RBBP8: variants seen among roughly 807,000 people sequenced by gnomAD.
RBBP8 encodes the protein RB binding protein 8, endonuclease, also known as DNA endonuclease RBBP8.
A neutral mutation model predicts 108.3 loss-of-function variants in RBBP8; 88 were observed. The observed-to-expected ratio is 0.81, with a 90% CI of 0.68 to 0.97. The LOEUF (loss-of-function observed/expected upper bound fraction) is 0.97, where lower values mean the gene tolerates loss of function less well. RBBP8 is among the 50% of genes least tolerant of loss of function. RBBP8 has a pLI of 0.00. For synonymous variants in RBBP8, 332 were observed against 348.2 expected, an observed-to-expected ratio of 0.95 and a Z score of 0.52; for missense variants, 1,023 against 1,049.0, an observed-to-expected ratio of 0.98 and a Z score of 0.34.
At chr18:22,930,501 G>C (rs996104694), upstream of RBBP8, among the ~76,000 whole-genome samples, 1 of 152,156 alleles carries the variant, frequency 6.6e-6, no homozygotes, top group African/African-American at 2.4e-5. Context: ...TGTTTTTTCA[G>C]CAGATCTTTG....
intron 13 of RBBP8, 106 bp downstream of exon 13, chr18:22,996,568 T>TTA (rs1046747309): frequency 1.2e-5 from 18 of 1,512,962 alleles, no homozygotes; most frequent in Non-Finnish European, 1.6e-5. Flanking sequence ...ATCAGATACG[T>TTA]CTTAAAACCT....
At chr18:23,016,348 T>C (rs1010438313) in intron 16 of RBBP8, among the ~76,000 whole-genome samples, 27 of 152,122 alleles carry the variant, frequency 1.8e-4, no homozygotes, top group African/African-American at 6.5e-4. Context: ...AGTTCAAGAC[T>C]AGCCTGGCCA....
At chr18:22,965,895 A>C (rs1020288745) in intron 4 of RBBP8, among the ~76,000 whole-genome samples, 26 of 152,204 alleles carry the variant, frequency 1.7e-4, no homozygotes, top group African/African-American at 6.0e-4. Context: ...ATATGGTAGC[A>C]AGTAGACATG....
At chr18:22,970,398 G>T (rs767885326) in intron 5 of RBBP8, among the ~76,000 whole-genome samples, 3 of 152,148 alleles carry the variant, frequency 2.0e-5, no homozygotes, top group Non-Finnish European at 2.9e-5. Context: ...AAGCAAAAAA[G>T]CTTATCTAGG....
chr18:22,993,000 G>A lies in RBBP8; in HGVS notation c.1173G>A (p.Gly391=). 6.2e-7 allele frequency: 1 copy of A among 1,613,622 alleles called. No individual in the cohort carries two copies. Residue 391 remains glycine (G), a synonymous_variant, in exon 11 of 19, where the codon GGG becomes GGA. Transcript: ENST00000327155. ...CCCTTTTCACACATCACAGTCTTGGGTCTGAAGTGAACAAGATCATTATCC... is the reference window on the plus strand; with the variant it reads ...CCCTTTTCACACATCACAGTCTTGGATCTGAAGTGAACAAGATCATTATCC... ...DSALFTHHSL[G]SEVNKIIIQS... is the part of the protein sequence containing the mutation.
chr18:22,989,361 T>C (rs1440084942), intron 9 of RBBP8, 43 bp downstream of exon 9: 10 of 1,408,498 alleles, frequency 7.1e-6, no homozygotes, highest in Non-Finnish European at 1.0e-5. Context: ...ATTAATTTTA[T>C]GTCTTTTTAG....
rs1416157573 is a variant in RBBP8 at position 23,026,291 on chromosome 18, A to T, written c.*51A>T. On this transcript the variant is annotated 3_prime_UTR_variant, in exon 19 of 19. Transcript: ENST00000327155. ...AAGGACAGTTTTTTCCTTCTTAGTT[A>T]TTTATAGTTAAAGTTGGTACTAAAC... The T allele has an allele frequency of 6.9e-7, 1 of 1,453,452 alleles. No homozygotes were observed. The highest frequency in any genetic ancestry group is 9.6e-7 in the Non-Finnish European group (1 of 1,038,844). The allele number at this position is 1,453,452 out of a possible 1,614,324, so 90.0% of individuals were successfully genotyped here.
intron 7 of RBBP8, 41 bp from the exon 8 acceptor site, chr18:22,984,843 ATC>A: frequency 1.7e-6 from 2 of 1,144,492 alleles, no homozygotes; most frequent in Non-Finnish European, 2.6e-6. Flanking sequence ...GCTTTTCATC[ATC>A]ATTGTTTATT....
chr18:22,999,061 A>G (rs189363412), intron 14 of RBBP8, among the ~76,000 whole-genome samples: 19 of 152,192 alleles, frequency 1.2e-4, no homozygotes, highest in Non-Finnish European at 2.4e-4. Flanking sequence ...ATCTATTCAG[A>G]AGACAATAGT....
intron 13 of RBBP8, 110 bp downstream of exon 13, chr18:22,996,572 A>C (rs2045863183): frequency 4.0e-6 from 6 of 1,509,400 alleles, no homozygotes; most frequent in Non-Finnish European, 5.3e-6. Context: ...GATACGTCTT[A>C]AAACCTACAT....
At chr18:22,971,843 C>A (rs1323691036) in intron 5 of RBBP8, among the ~76,000 whole-genome samples, 3 of 151,086 alleles carry the variant, frequency 2.0e-5, no homozygotes, top group Admixed American at 1.3e-4. Context: ...GAAGCGGTTT[C>A]ACTATGTTGG....
Position 23,001,661 on chromosome 18 carries a change from T to G in RBBP8, c.2219T>G (p.Leu740Trp), listed in dbSNP as rs1343309279. Reference sequence around the variant, plus strand: ...ACACATGAAGAGTATGAATCCTGTTTGGCAGACAGTTTCTCCCAAGCAGCA... The same window carrying G: ...ACACATGAAGAGTATGAATCCTGTTGGGCAGACAGTTTCTCCCAAGCAGCA... ...RTTHEEYESC[L>W]ADSFSQAADE... Residue 740 changes from leucine to tryptophan, a missense_variant, in exon 15 of 19, where the codon TTG becomes TGG. Transcript: ENST00000327155. 1 of 1,614,136 alleles carries G rather than the reference T, an allele frequency of 6.2e-7. No homozygotes were observed. The highest frequency in any genetic ancestry group is 8.5e-7 in the Non-Finnish European group (1 of 1,179,984).
intron 17 of RBBP8, 61 bp from the exon 18 acceptor site, chr18:23,022,068 A>G: frequency 1.5e-6 from 2 of 1,368,590 alleles, no homozygotes; most frequent in Middle Eastern, 1.8e-4. Context: ...TTTGTAATCA[A>G]TAAGCATAAC....
intron 17 of RBBP8, among the ~76,000 whole-genome samples, 162 bp from the exon 18 acceptor site, chr18:23,021,967 T>C (rs1350352256): frequency 6.6e-6 from 1 of 152,220 alleles, no homozygotes; most frequent in Non-Finnish European, 1.5e-5. Context: ...TAATACTGTC[T>C]GTAAGAATTA....
upstream of RBBP8, among the ~76,000 whole-genome samples, chr18:22,931,486 C>T (rs1193837397): frequency 6.6e-6 from 1 of 152,058 alleles, no homozygotes; most frequent in Non-Finnish European, 1.5e-5. Flanking sequence ...AAAGTAGACA[C>T]AATTTAAGGT....
intron 16 of RBBP8, among the ~76,000 whole-genome samples, chr18:23,007,838 G>T (rs1471046994): frequency 5.3e-5 from 8 of 149,780 alleles, no homozygotes; most frequent in Non-Finnish European, 8.9e-5. Context: ...TTGAAATGGA[G>T]TTTCGCTCTG....
chr18:22,996,174 G>T (rs952202929), intron 12 of RBBP8, among the ~76,000 whole-genome samples, 200 bp from the exon 13 acceptor site: 1 of 152,198 alleles, frequency 6.6e-6, no homozygotes, highest in Non-Finnish European at 1.5e-5. Context: ...TGTCTATTTA[G>T]ATCCTTTGCC....
chr18:22,989,858 G>T (rs1915563220), intron 9 of RBBP8, among the ~76,000 whole-genome samples: 1 of 151,784 alleles, frequency 6.6e-6, no homozygotes. Context: ...GTAGAGATGG[G>T]GGTCTCAACT....
intron 14 of RBBP8, among the ~76,000 whole-genome samples, chr18:23,001,239 T>G (rs2045941893): frequency 6.6e-6 from 1 of 152,240 alleles, no homozygotes; most frequent in African/African-American, 2.4e-5. Flanking sequence ...TCACTACCTA[T>G]ATTACATCTA....
Sources: allele counts gnomAD v4.1 joint callset (sites outside exome capture counted in the v4.1 genomes callset), GRCh38; gene constraint gnomAD v4.1.1; transcripts MANE v1.5; gene names NCBI Gene and HGNC (gene_info 2026-07-23, HGNC 2026-07-21).